MSI2: variants seen among roughly 807,000 people sequenced by gnomAD.
MSI2 encodes musashi RNA binding protein 2, also known as RNA-binding protein Musashi homolog 2.
Under a neutral mutation model 45.6 loss-of-function variants are expected in MSI2, and 17 were observed. The ratio of observed to expected loss-of-function variants is 0.37; its 90% CI spans 0.26 to 0.56. MSI2 has a LOEUF of 0.56. MSI2 is among the 20% of genes least tolerant of loss of function. MSI2 has a pLI of 0.77. For missense variants in MSI2, 293 were observed against 444.2 expected (o/e 0.66, Z 3.06); for synonymous variants, 156 against 158.2 (o/e 0.99, Z 0.11).
intron 5 of MSI2, among the ~76,000 whole-genome samples, chr17:57,320,713 A>AG (rs1435407432): frequency 6.6e-6 from 1 of 152,144 alleles, no homozygotes; most frequent in Non-Finnish European, 1.5e-5. Context: ...AGGCTGGTTG[A>AG]GGGATGCCCC....
chr17:57,482,919 T>C (rs376495469), intron 6 of MSI2, among the ~76,000 whole-genome samples: 2 of 152,232 alleles, frequency 1.3e-5, no homozygotes, highest in African/African-American at 2.4e-5. Flanking sequence ...CATGTAGGAA[T>C]TGACTAAAAA....
At chr17:57,305,691 G>C (rs908292602) in intron 5 of MSI2, among the ~76,000 whole-genome samples, 18 of 152,300 alleles carry the variant, frequency 1.2e-4, no homozygotes, top group Middle Eastern at 3.4e-3. Flanking sequence ...CAGATGAGGA[G>C]CCTGACACAC....
chr17:57,550,823 G>A (rs183618157), intron 7 of MSI2, among the ~76,000 whole-genome samples: 1 of 152,232 alleles, frequency 6.6e-6, no homozygotes, highest in African/African-American at 2.4e-5. Context: ...AGGCACACAC[G>A]TAGCCCTCTG....
At chr17:57,461,172 C>T (rs1381874813) in intron 6 of MSI2, among the ~76,000 whole-genome samples, 5 of 152,134 alleles carry the variant, frequency 3.3e-5, no homozygotes, top group Non-Finnish European at 7.4e-5. Flanking sequence ...GCCCTTGACC[C>T]GGCCGCAGAG....
At chr17:57,551,221 A>C (rs1470067105) in intron 7 of MSI2, among the ~76,000 whole-genome samples, 1 of 152,158 alleles carries the variant, frequency 6.6e-6, no homozygotes, top group Non-Finnish European at 1.5e-5. Context: ...GATAGGGGAC[A>C]AAAGGAGCAA....
intron 5 of MSI2, among the ~76,000 whole-genome samples, chr17:57,299,458 T>C (rs1282931936): frequency 6.6e-6 from 1 of 152,194 alleles, no homozygotes; most frequent in Admixed American, 6.5e-5. Context: ...CGTGAACACA[T>C]AGAGGCCATT....
chr17:57,359,880 A>C (rs1306710426), intron 5 of MSI2, among the ~76,000 whole-genome samples: 2 of 151,906 alleles, frequency 1.3e-5, no homozygotes, highest in Non-Finnish European at 2.9e-5. Context: ...TGAGCTCCCC[A>C]CCCCTCGTGA....
At chr17:57,349,777 T>C (rs1351775600) in intron 5 of MSI2, among the ~76,000 whole-genome samples, 1 of 152,212 alleles carries the variant, frequency 6.6e-6, no homozygotes, top group Non-Finnish European at 1.5e-5. Flanking sequence ...AGAGTTAACA[T>C]TAGTCATGGT....
intron 6 of MSI2, among the ~76,000 whole-genome samples, chr17:57,422,254 A>T (rs1215227584): frequency 6.6e-6 from 1 of 152,110 alleles, no homozygotes; most frequent in East Asian, 1.9e-4. Context: ...GAGATCACGA[A>T]TTCGAGACCA....
At chr17:57,352,609 G>A (rs1916111180) in intron 5 of MSI2, among the ~76,000 whole-genome samples, 1 of 152,200 alleles carries the variant, frequency 6.6e-6, no homozygotes, top group African/African-American at 2.4e-5. Flanking sequence ...TTAGGAGGAG[G>A]TGTTGAGGGA....
At chr17:57,460,141 AAAT>A (rs2085197560) in intron 6 of MSI2, among the ~76,000 whole-genome samples, 8 of 117,750 alleles carry the variant, frequency 6.8e-5, no homozygotes, top group African/African-American at 2.6e-4. Flanking sequence ...ATAAATAAAT[AAAT>A]AAATAAATAA....
At chr17:57,420,487 A>G (rs1467314826) in intron 6 of MSI2, among the ~76,000 whole-genome samples, 1 of 152,176 alleles carries the variant, frequency 6.6e-6, no homozygotes, top group Non-Finnish European at 1.5e-5. Flanking sequence ...CCATGTTTCA[A>G]ATTTAGGATC....
At chr17:57,316,171 G>A (rs1455722263) in intron 5 of MSI2, among the ~76,000 whole-genome samples, 1 of 152,038 alleles carries the variant, frequency 6.6e-6, no homozygotes, top group East Asian at 1.9e-4. Flanking sequence ...AAGGAGAAGG[G>A]AAATCTATCT....
intron 6 of MSI2, among the ~76,000 whole-genome samples, chr17:57,467,453 G>A (rs190265211): frequency 1.3e-5 from 2 of 152,290 alleles, no homozygotes; most frequent in East Asian, 1.9e-4. Context: ...GCAGATGGAC[G>A]GATAGATGAT....
intron 6 of MSI2, among the ~76,000 whole-genome samples, chr17:57,491,103 A>G (rs1296314422): frequency 6.6e-6 from 1 of 152,210 alleles, no homozygotes; most frequent in East Asian, 1.9e-4. Context: ...CTGGGATAAA[A>G]GGGCTTATCC....
At chr17:57,260,730 G>A (rs1907231538) in intron 4 of MSI2, among the ~76,000 whole-genome samples, 1 of 152,180 alleles carries the variant, frequency 6.6e-6, no homozygotes, top group African/African-American at 2.4e-5. Context: ...CTCAGGTGAT[G>A]TTTAAAGGTA....
chr17:57,614,076 A>G (rs1052736979), intron 8 of MSI2, among the ~76,000 whole-genome samples: 2 of 151,972 alleles, frequency 1.3e-5, no homozygotes, highest in Non-Finnish European at 2.9e-5. Flanking sequence ...TTTGAGATAG[A>G]GTCTCGCTCT....
chr17:57,497,798 C>CAGGTAGTTGGGGA (rs2086011382), intron 6 of MSI2, among the ~76,000 whole-genome samples: 1 of 152,162 alleles, frequency 6.6e-6, no homozygotes, highest in South Asian at 2.1e-4. Context: ...TAGTTGGGGG[C>CAGGTAGTTGGGGA]CGCTGCACTG....
rs531132491 is a variant in MSI2 at position 57,276,465 on chromosome 17, C to T, written c.312+14273C>T. ...TTGATGAGGTAGCTTCAACTGTTGTCACGAATGTGGCTCCTTTTTGCTTGT... is the reference window on the plus strand; with the variant it reads ...TTGATGAGGTAGCTTCAACTGTTGTTACGAATGTGGCTCCTTTTTGCTTGT... On this transcript the variant is annotated intron_variant, in intron 5 of 13. Coordinates refer to ENST00000284073, the MANE Select transcript of MSI2 (RefSeq NM_138962.4). Among the ~76,000 whole-genome samples the T allele has an allele frequency of 2.6e-5, 4 of 152,314 alleles. No individual in the cohort carries two copies. In the East Asian group the frequency reaches 7.7e-4, roughly 29 times the overall value.
Sources: allele counts gnomAD v4.1 joint callset (sites outside exome capture counted in the v4.1 genomes callset), GRCh38; gene constraint gnomAD v4.1.1; transcripts MANE v1.5; gene names NCBI Gene and HGNC (gene_info 2026-07-23, HGNC 2026-07-21).